NCKAP5: variants seen among roughly 807,000 people sequenced by gnomAD.
The protein encoded by NCKAP5 is NCK associated protein 5, also known as nck-associated protein 5.
A neutral mutation model predicts 167.0 loss-of-function variants in NCKAP5; 92 were observed. The observed-to-expected ratio is 0.55, with a 90% CI of 0.47 to 0.66. The LOEUF is 0.66. NCKAP5 is among the 30% of genes least tolerant of loss of function. The probability of loss-of-function intolerance (pLI) is 0.00; values close to 1 mark genes in which losing one functional copy is unlikely to be tolerated. For missense variants in NCKAP5, 2,378 were observed against 2,315.0 expected (o/e 1.03, Z -0.56); for synonymous variants, 891 against 877.4 (o/e 1.02, Z -0.27).
At chr2:133,286,275 C>T (rs947734163) in intron 4 of NCKAP5, among the ~76,000 whole-genome samples, 13 of 152,142 alleles carry the variant, frequency 8.5e-5, no homozygotes, top group Admixed American at 2.0e-4. Flanking sequence ...GGATTACAGG[C>T]GTGAGACACC....
intron 6 of NCKAP5, among the ~76,000 whole-genome samples, chr2:133,079,437 G>A (rs566131310): frequency 3.9e-5 from 6 of 152,246 alleles, no homozygotes; most frequent in East Asian, 1.9e-4. Flanking sequence ...TGTGCACAAA[G>A]AGGAACATTT....
chr2:133,361,725 A>G (rs1445699925), intron 3 of NCKAP5, among the ~76,000 whole-genome samples: 1 of 152,230 alleles, frequency 6.6e-6, no homozygotes, highest in Non-Finnish European at 1.5e-5. Flanking sequence ...GTTGTCATCC[A>G]TTACAAGAGT....
At chr2:133,561,887 A>T (rs2123085) in intron 1 of NCKAP5, among the ~76,000 whole-genome samples, 2,429 of 152,304 alleles carry the variant, frequency 0.016, 60 homozygotes, top group African/African-American at 0.055. Context: ...AATATTAAAA[A>T]TGAGGCAATA....
chr2:133,094,445 C>G (rs1436618473), intron 6 of NCKAP5, among the ~76,000 whole-genome samples: 1 of 152,138 alleles, frequency 6.6e-6, no homozygotes, highest in Non-Finnish European at 1.5e-5. Flanking sequence ...CCACCTGGCT[C>G]CCAAATTTTG....
intron 19 of NCKAP5, among the ~76,000 whole-genome samples, chr2:132,719,064 G>T (rs1412482451): frequency 8.5e-5 from 13 of 152,100 alleles, no homozygotes; most frequent in African/African-American, 2.9e-4. Flanking sequence ...GAGAAGAAGG[G>T]TGTTAGTACA....
intron 6 of NCKAP5, among the ~76,000 whole-genome samples, chr2:133,116,502 A>G (rs886976265): frequency 1.0e-4 from 15 of 150,048 alleles, no homozygotes; most frequent in Admixed American, 2.6e-4. Context: ...AAAAAAAAAA[A>G]AAAAAAAAAA....
At chr2:133,308,912 T>G (rs973332517) in intron 3 of NCKAP5, among the ~76,000 whole-genome samples, 92 of 149,262 alleles carry the variant, frequency 6.2e-4, no homozygotes, top group Admixed American at 4.8e-3. Flanking sequence ...GGGTTTCACC[T>G]TGTTAGCCAG....
intron 8 of NCKAP5, among the ~76,000 whole-genome samples, chr2:132,896,330 G>T (rs899586480): frequency 1.3e-5 from 2 of 152,204 alleles, no homozygotes; most frequent in African/African-American, 4.8e-5. Flanking sequence ...TAGAGAACTG[G>T]CAAGCAGCAA....
chr2:133,278,955 G>A (rs1574584256), intron 4 of NCKAP5, among the ~76,000 whole-genome samples: 1 of 152,264 alleles, frequency 6.6e-6, no homozygotes, highest in Non-Finnish European at 1.5e-5. Flanking sequence ...TTTAAACTAC[G>A]CTGAGATACT....
At chr2:133,565,044 TG>T (rs1158281646) in intron 1 of NCKAP5, among the ~76,000 whole-genome samples, 2 of 152,136 alleles carry the variant, frequency 1.3e-5, no homozygotes, top group Admixed American at 6.5e-5. Flanking sequence ...CTGCGGTGAC[TG>T]GGATGTGAAA....
At chr2:133,308,321 C>T (rs1028546147) in intron 3 of NCKAP5, among the ~76,000 whole-genome samples, 15 of 151,968 alleles carry the variant, frequency 9.9e-5, no homozygotes, top group Non-Finnish European at 1.5e-4. Flanking sequence ...ATCTCCTGAC[C>T]TTGTGATCCG....
chr2:133,308,214 G>A (rs924832393), intron 3 of NCKAP5, among the ~76,000 whole-genome samples: 6 of 147,804 alleles, frequency 4.1e-5, no homozygotes, highest in Middle Eastern at 3.7e-3. Flanking sequence ...TCAGCCTCCC[G>A]AGTAGCTGGG....
chr2:132,724,481 G>C (rs959017726), intron 19 of NCKAP5, among the ~76,000 whole-genome samples: 5 of 152,042 alleles, frequency 3.3e-5, no homozygotes, highest in Admixed American at 3.3e-4. Context: ...GGTGAGGTGA[G>C]GCTATTCCCT....
At chr2:133,200,279 T>C (rs1334484280) in intron 5 of NCKAP5, among the ~76,000 whole-genome samples, 2 of 152,024 alleles carry the variant, frequency 1.3e-5, no homozygotes, top group African/African-American at 4.8e-5. Flanking sequence ...GATAGACTAA[T>C]AGATCAATGT....
intron 1 of NCKAP5, among the ~76,000 whole-genome samples, chr2:133,564,750 G>T (rs976850722): frequency 1.3e-5 from 2 of 152,134 alleles, no homozygotes; most frequent in South Asian, 2.1e-4. Context: ...CCTGAGGGAG[G>T]AGCACAGGCA....
intron 2 of NCKAP5, among the ~76,000 whole-genome samples, chr2:133,520,226 G>A (rs1383992859): frequency 1.3e-5 from 2 of 152,030 alleles, no homozygotes; most frequent in African/African-American, 2.4e-5. Context: ...AAGAGAGAGA[G>A]GACCCATTTC....
intron 4 of NCKAP5, among the ~76,000 whole-genome samples, chr2:133,293,669 A>G (rs1208457340): frequency 6.6e-6 from 1 of 152,142 alleles, no homozygotes; most frequent in African/African-American, 2.4e-5. Context: ...AGCTCTCCCT[A>G]CGACCGTTCA....
chr2:132,906,802 T>G (rs142221176), intron 8 of NCKAP5, among the ~76,000 whole-genome samples: 159 of 152,286 alleles, frequency 1.0e-3, no homozygotes, highest in African/African-American at 3.4e-3. Flanking sequence ...GAGCACTGAT[T>G]TGATGATGGA....
chr2:132,727,982 A>T (rs1690628412), intron 18 of NCKAP5, among the ~76,000 whole-genome samples: 1 of 152,166 alleles, frequency 6.6e-6, no homozygotes, highest in Non-Finnish European at 1.5e-5. Context: ...AAAAATAGCA[A>T]CCAAGGCTCT....
Sources: gnomAD v4.1 joint callset for allele counts (sites outside exome capture counted in the v4.1 genomes callset) on GRCh38, gnomAD v4.1.1 for gene constraint, MANE v1.5 for transcripts, NCBI Gene and HGNC (gene_info 2026-07-23, HGNC 2026-07-21) for gene names.